The following L3MBTL4 variants were observed in gnomAD, a reference collection of about 807,000 sequenced individuals.
L3MBTL4 encodes the protein lethal(3)malignant brain tumor-like protein 4.
In L3MBTL4, 70 loss-of-function variants were observed where a neutral mutation model predicts 84.5. The observed-to-expected ratio is 0.83, with a 90% CI of 0.68 to 1.01. L3MBTL4 has a LOEUF of 1.01. Ranked by LOEUF, L3MBTL4 falls within the 50% of genes least tolerant of loss-of-function variation. L3MBTL4 has a pLI of 0.00. For synonymous variants in L3MBTL4, 274 were observed against 259.8 expected (o/e 1.05, Z -0.52); for missense variants, 715 against 754.8 (o/e 0.95, Z 0.62).
At chr18:5,976,773 G>C (rs2052954445) in intron 16 of L3MBTL4, among the ~76,000 whole-genome samples, 1 of 152,110 alleles carries the variant, frequency 6.6e-6, no homozygotes, top group African/African-American at 2.4e-5. Flanking sequence ...CAGAAGGCAG[G>C]GATATTTTTC....
chr18:6,184,873 C>A (rs928060873), intron 12 of L3MBTL4, among the ~76,000 whole-genome samples: 3 of 152,164 alleles, frequency 2.0e-5, no homozygotes, highest in African/African-American at 7.2e-5. Context: ...ACACAGAAAT[C>A]AGCTAAGGAA....
chr18:6,378,350 T>C (rs1049030319), intron 1 of L3MBTL4, among the ~76,000 whole-genome samples: 1 of 152,360 alleles, frequency 6.6e-6, no homozygotes, highest in South Asian at 2.1e-4. Context: ...ATTTTGGCTA[T>C]TGTTGCCATT....
rs1483016259 is a variant in L3MBTL4 at position 6,329,311 on chromosome 18, G to T, written c.-90-17255C>A. On this transcript the variant is annotated intron_variant, in intron 1 of 18. Transcript: ENST00000317931. ...TGGGACTACAGGTTCTCACCACCACGCCCGGCTAATTTTTTGTATTTTTAG... is the reference window on the plus strand; with the variant it reads ...TGGGACTACAGGTTCTCACCACCACTCCCGGCTAATTTTTTGTATTTTTAG... 5.9e-5 allele frequency among the ~76,000 whole-genome samples: 9 copies of T among 151,436 alleles called. 1 individual carries two copies. The South Asian group carries it at 1.5e-3, about 25-fold the overall frequency.
intron 13 of L3MBTL4, among the ~76,000 whole-genome samples, chr18:6,169,713 G>C (rs903341190): frequency 6.6e-6 from 1 of 151,164 alleles, no homozygotes; most frequent in African/African-American, 2.4e-5. Context: ...AGCATTAGGA[G>C]ATATACCTAA....
chr18:5,996,677 G>A lies in L3MBTL4; in HGVS notation c.1445-27115C>T, dbSNP rs781658313. Among the ~76,000 whole-genome samples the A allele has an allele frequency of 1.1e-4, 17 of 152,298 alleles. 1 individual carries two copies. The Middle Eastern group carries it at 0.02, about 183-fold the overall frequency. On this transcript the variant is annotated intron_variant, in intron 16 of 18. Coordinates refer to ENST00000317931, the MANE Select transcript of L3MBTL4 (RefSeq NM_001330559.2). ...ACCATCAGTGCAGGTTATGAAGTAT[G>A]TAGAAGATGCCAAGAGTGAGCACAT...
chr18:6,183,015 T>C (rs754395458), intron 12 of L3MBTL4, among the ~76,000 whole-genome samples: 2 of 152,254 alleles, frequency 1.3e-5, no homozygotes, highest in African/African-American at 2.4e-5. Context: ...TAAATATATC[T>C]ACATAAGTTT....
chr18:6,195,521 G>A (rs912765321), intron 12 of L3MBTL4, among the ~76,000 whole-genome samples: 1 of 152,202 alleles, frequency 6.6e-6, no homozygotes, highest in East Asian at 1.9e-4. Context: ...GGGGCAGATA[G>A]ACTGGCATAA....
At chr18:6,262,971 G>A (rs982398137) in intron 5 of L3MBTL4, among the ~76,000 whole-genome samples, 3 of 152,190 alleles carry the variant, frequency 2.0e-5, no homozygotes, top group Non-Finnish European at 4.4e-5. Flanking sequence ...AAAAGTTGTA[G>A]TTTCCTGCTG....
At chr18:6,321,870 G>A (rs923402857) in intron 1 of L3MBTL4, among the ~76,000 whole-genome samples, 6 of 151,920 alleles carry the variant, frequency 3.9e-5, no homozygotes, top group Non-Finnish European at 7.4e-5. Context: ...ATACTCTGTG[G>A]TATAATGACC....
At position 6,138,176 on chromosome 18, in the gene L3MBTL4, A is replaced by C; in HGVS notation, c.1199+18T>G. The stretch of plus-strand genomic sequence containing the variant: ...TTTCCATTCATCCAGGAAATAACTT[A>C]AATAAGAAAAATGTTACCTGTGATG... On this transcript the variant is annotated intron_variant, in intron 14 of 18. Coordinates refer to ENST00000317931, the MANE Select transcript of L3MBTL4 (RefSeq NM_001330559.2). 7 of 1,552,112 alleles carry C rather than the reference A, an allele frequency of 4.5e-6. No individual in the cohort carries two copies. Among genetic ancestry groups the C allele is most frequent in the Non-Finnish European group, 6.2e-6 (7 of 1,128,152 alleles).
intron 4 of L3MBTL4, among the ~76,000 whole-genome samples, chr18:6,281,354 A>C (rs11872223): frequency 6.6e-6 from 1 of 152,178 alleles, no homozygotes; most frequent in Non-Finnish European, 1.5e-5. Context: ...ACATACATAG[A>C]CGGCACCAAA....
At position 6,412,264 on chromosome 18, in the gene L3MBTL4, T is replaced by C. The variant is rs77558300; in HGVS notation, c.-91+2537A>G. On this transcript the variant is annotated intron_variant, in intron 1 of 18. Transcript: ENST00000317931. ...TTGGTTTTCTCAATCCAGTGTTGTA[T>C]AAATGGAATTTATCCTTTCCACCCT... Among the ~76,000 whole-genome samples, 376 of 152,282 alleles carry C rather than the reference T, an allele frequency of 2.5e-3. 1 individual carries two copies. Among genetic ancestry groups the C allele is most frequent in the Middle Eastern group, 6.8e-3 (2 of 294 alleles).
At chr18:6,148,259 A>T (rs1216054695) in intron 13 of L3MBTL4, among the ~76,000 whole-genome samples, 2 of 152,242 alleles carry the variant, frequency 1.3e-5, no homozygotes, top group East Asian at 3.8e-4. Context: ...ACTTAAATAC[A>T]ACAAAACTAA....
At chr18:5,974,254 A>G (rs2052788955) in intron 16 of L3MBTL4, among the ~76,000 whole-genome samples, 1 of 152,196 alleles carries the variant, frequency 6.6e-6, no homozygotes, top group East Asian at 1.9e-4. Flanking sequence ...TGTACCCTCA[A>G]GTTTCCAAGG....
intron 10 of L3MBTL4, among the ~76,000 whole-genome samples, chr18:6,222,762 G>A (rs186786438): frequency 6.6e-5 from 10 of 151,754 alleles, no homozygotes; most frequent in East Asian, 1.9e-4. Context: ...AATTCATATC[G>A]TTCAATTCAT....
chr18:6,329,015 C>T (rs954952840), intron 1 of L3MBTL4, among the ~76,000 whole-genome samples: 1 of 152,184 alleles, frequency 6.6e-6, no homozygotes, highest in African/African-American at 2.4e-5. Context: ...ACACATGTAA[C>T]TAGCTTCCAA....
chr18:6,277,442 A>G (rs1189812900), intron 4 of L3MBTL4, among the ~76,000 whole-genome samples: 1 of 152,196 alleles, frequency 6.6e-6, no homozygotes, highest in Non-Finnish European at 1.5e-5. Flanking sequence ...CGTATATTAC[A>G]TGCTCACATA....
At chr18:6,007,406 C>A in intron 16 of L3MBTL4, among the ~76,000 whole-genome samples, 2 of 151,510 alleles carry the variant, frequency 1.3e-5, no homozygotes, top group African/African-American at 4.9e-5. Flanking sequence ...TAAATTTATA[C>A]CAAGATAAAA....
intron 16 of L3MBTL4, among the ~76,000 whole-genome samples, chr18:5,978,932 C>T (rs1539808): frequency 0.077 from 11,712 of 152,190 alleles, 852 homozygotes; most frequent in South Asian, 0.19. Context: ...CGAATATAAG[C>T]TATCAGCCTT....
Sources: allele counts gnomAD v4.1 joint callset (sites outside exome capture counted in the v4.1 genomes callset), GRCh38; gene constraint gnomAD v4.1.1; transcripts MANE v1.5; gene names NCBI Gene and HGNC (gene_info 2026-07-23, HGNC 2026-07-21).